Variants in LAMB4 observed in about 807,000 individuals in gnomAD.
LAMB4 encodes laminin subunit beta-4.
LAMB4 carries 196 observed loss-of-function variants against 199.2 expected under a neutral mutation model. The observed-to-expected ratio is 0.98, with a 90% CI of 0.88 to 1.11. LAMB4 has a LOEUF of 1.11. Ranked by LOEUF, LAMB4 falls within the 50% of genes least tolerant of loss-of-function variation. LAMB4 has a pLI of 0.00. For synonymous variants in LAMB4, 744 were observed against 770.6 expected (o/e 0.97, Z 0.57); for missense variants, 2,080 against 2,171.2 (o/e 0.96, Z 0.83).
intron 27 of LAMB4, among the ~76,000 whole-genome samples, chr7:108,048,336 T>C (rs1470966493): frequency 1.3e-5 from 2 of 151,980 alleles, no homozygotes; most frequent in African/African-American, 2.4e-5. Flanking sequence ...GGCTAATTTT[T>C]TGTATTTTTA....
At chr7:108,051,747 A>G (rs1203802153) in intron 26 of LAMB4, among the ~76,000 whole-genome samples, 1 of 151,888 alleles carries the variant, frequency 6.6e-6, no homozygotes, top group African/African-American at 2.4e-5. Flanking sequence ...ATACCGAGAA[A>G]GGCATATAAA....
Position 108,063,986 on chromosome 7 carries a change from C to T in LAMB4, c.2837-1G>A. On this transcript the variant is annotated splice_acceptor_variant, in intron 21 of 33. Coordinates refer to ENST00000388781, the MANE Select transcript of LAMB4 (RefSeq NM_007356.3). LOFTEE classifies it high-confidence loss of function. ...GTAGAGCATTCTCCACACTGAGTAC[C>T]TGAAAGAAAGTGGGAGGAAAAGGAA... The T allele has an allele frequency of 6.2e-7, 1 of 1,610,642 alleles. No individual in the cohort carries two copies. Among genetic ancestry groups the T allele is most frequent in the South Asian group, 1.1e-5 (1 of 90,988 alleles).
intron 23 of LAMB4, among the ~76,000 whole-genome samples, chr7:108,060,782 C>T (rs1162597655): frequency 2.0e-5 from 3 of 152,140 alleles, no homozygotes; most frequent in Non-Finnish European, 4.4e-5. Flanking sequence ...AATGAATAAA[C>T]GTAAGACAAC....
At chr7:108,116,709 T>A (rs1396348459) in intron 2 of LAMB4, among the ~76,000 whole-genome samples, 3 of 152,230 alleles carry the variant, frequency 2.0e-5, no homozygotes, top group Non-Finnish European at 4.4e-5. Flanking sequence ...CTAAACTCAA[T>A]TTTGTTTAAG....
At chr7:108,027,704 C>T (rs893089974) in intron 33 of LAMB4, among the ~76,000 whole-genome samples, 2 of 152,158 alleles carry the variant, frequency 1.3e-5, no homozygotes, top group Non-Finnish European at 2.9e-5. Context: ...TAGTTAAGGA[C>T]ATGATTGCCC....
intron 31 of LAMB4, among the ~76,000 whole-genome samples, chr7:108,031,244 GCC>G (rs2150486839): frequency 6.7e-6 from 1 of 149,656 alleles, no homozygotes; most frequent in Non-Finnish European, 1.5e-5. Context: ...GATTGCTTGA[GCC>G]CAGGAGGTTG....
At chr7:108,031,373 A>G (rs1288172615) in intron 31 of LAMB4, among the ~76,000 whole-genome samples, 4 of 150,034 alleles carry the variant, frequency 2.7e-5, no homozygotes, top group South Asian at 2.1e-4. Context: ...GGAAAAGAAA[A>G]AAAAAAAAAA....
At chr7:108,088,623 A>G (rs1307866757) in intron 14 of LAMB4, among the ~76,000 whole-genome samples, 2 of 152,172 alleles carry the variant, frequency 1.3e-5, no homozygotes, top group Non-Finnish European at 2.9e-5. Flanking sequence ...TCTTCATAAG[A>G]TGCAGTTGGG....
chr7:108,030,759 A>G, intron 32 of LAMB4, 47 bp downstream of exon 32: 1 of 1,575,414 alleles, frequency 6.3e-7, no homozygotes, highest in Non-Finnish European at 8.7e-7. Flanking sequence ...TATCTTTCAA[A>G]GAAGCCCTGC....
rs146465702 is a variant in LAMB4, at chr7:108,057,895, C to T, written c.3316G>A (p.Gly1106Ser). ...TGGCACTCACTGCAACGTTTCCCGC[C>T]GTAACCTAATTTACACGGACACTGG... Reference protein sequence around the residue: ...TGQCPCKLGYGGKRCSECQEN... With the variant: ...TGQCPCKLGYSGKRCSECQEN... The change falls in exon 24 of 34, where the codon GGC becomes AGC. Residue 1106 changes from glycine (G) to serine (S), a missense_variant. Transcript: ENST00000388781. 22 of 1,613,750 alleles carry T rather than the reference C, an allele frequency of 1.4e-5. No homozygotes were observed. Among genetic ancestry groups the T allele is most frequent in the Middle Eastern group, 3.3e-4 (2 of 6,082 alleles).
the LAMB4 span, among the ~76,000 whole-genome samples, chr7:108,011,820 A>G: frequency 1.3e-5 from 2 of 152,142 alleles, no homozygotes; most frequent in Admixed American, 1.3e-4. Flanking sequence ...CTATTGGTAA[A>G]ATAAGGGTTG....
At chr7:108,018,400 G>A in the LAMB4 span, among the ~76,000 whole-genome samples, 4 of 152,220 alleles carry the variant, frequency 2.6e-5, no homozygotes, top group Admixed American at 2.6e-4. Flanking sequence ...CTGCAGGGTT[G>A]TCGTGGCTGG....
intron 29 of LAMB4, among the ~76,000 whole-genome samples, chr7:108,039,940 A>G (rs2035363474): frequency 6.6e-6 from 1 of 152,190 alleles, no homozygotes; most frequent in African/African-American, 2.4e-5. Flanking sequence ...GAAAGAACAA[A>G]GCGTATCCAA....
At chr7:108,104,886 C>A (rs2037948139) in intron 8 of LAMB4, among the ~76,000 whole-genome samples, 1 of 151,636 alleles carries the variant, frequency 6.6e-6, no homozygotes, top group Non-Finnish European at 1.5e-5. Flanking sequence ...CAGCACATTG[C>A]AGCCCTCAAT....
intron 1 of LAMB4, among the ~76,000 whole-genome samples, chr7:108,128,419 T>G (rs2038870519): frequency 2.0e-5 from 3 of 152,176 alleles, no homozygotes; most frequent in African/African-American, 7.2e-5. Context: ...TTCTGGGCCC[T>G]ACAACATAGA....
rs2036849616 is a variant in LAMB4 at position 108,079,630 on chromosome 7, A to T, written c.1858T>A (p.Phe620Ile). The T allele has an allele frequency of 6.2e-7, 1 of 1,610,142 alleles. No homozygotes were observed. Among genetic ancestry groups the T allele is most frequent in the Non-Finnish European group, 8.5e-7 (1 of 1,178,766 alleles). ...AVNNIPFPVD[F>I]TIAIHYETQS... ...GTTTCATAGTGAATGGCAATGGTGA[A>T]GTCCACAGGAAAGGGAATGTTGTTG... The change falls in exon 15 of 34, where the codon TTC (phenylalanine) becomes ATC (isoleucine). Residue 620 changes from phenylalanine to isoleucine, a missense_variant. Phe to Ile is a conservative substitution (Grantham distance 21). Coordinates refer to ENST00000388781, the MANE Select transcript of LAMB4 (RefSeq NM_007356.3).
chr7:108,088,874 A>T (rs2037288883), intron 14 of LAMB4, among the ~76,000 whole-genome samples: 1 of 152,138 alleles, frequency 6.6e-6, no homozygotes, highest in African/African-American at 2.4e-5. Flanking sequence ...CCTGAGAATG[A>T]CCCTATGGTC....
chr7:108,061,254 AG>A (rs200572160), intron 23 of LAMB4, among the ~76,000 whole-genome samples: 1,803 of 152,344 alleles, frequency 0.012, 45 homozygotes, highest in African/African-American at 0.041. Flanking sequence ...AAAGGACATT[AG>A]GTAAAAATTA....
chr7:108,110,085 A>G (rs942273582), intron 4 of LAMB4, among the ~76,000 whole-genome samples: 1 of 152,244 alleles, frequency 6.6e-6, no homozygotes, highest in African/African-American at 2.4e-5. Context: ...ACTGGAGTGC[A>G]GTGGCAGGAT....
Sources: gnomAD v4.1 joint callset for allele counts (sites outside exome capture counted in the v4.1 genomes callset) on GRCh38, gnomAD v4.1.1 for gene constraint, MANE v1.5 for transcripts, NCBI Gene and HGNC (gene_info 2026-07-23, HGNC 2026-07-21) for gene names.